ERV3-1: variants seen among roughly 807,000 people sequenced by gnomAD.
ERV3-1 encodes the protein endogenous retrovirus group 3 member 1, envelope.
A neutral mutation model predicts 24.6 loss-of-function variants in ERV3-1; 36 were observed. The observed-to-expected ratio is 1.47, with a 90% CI of 1.12 to 1.94. The LOEUF (loss-of-function observed/expected upper bound fraction) is 1.94, where lower values mean the gene tolerates loss of function less well. Ranked by LOEUF, ERV3-1 falls within the 30% of genes most tolerant of loss-of-function variation. The probability of loss-of-function intolerance (pLI) is 0.00; values close to 1 mark genes in which losing one functional copy is unlikely to be tolerated. For synonymous variants in ERV3-1, 211 were observed against 122.6 expected (o/e 1.72, Z -4.76); for missense variants, 578 against 330.9 (o/e 1.75, Z -5.79).
intron 1 of ERV3-1, among the ~76,000 whole-genome samples, chr7:65,001,836 G>A (rs1283276907): frequency 1.3e-5 from 2 of 152,172 alleles, no homozygotes; most frequent in Non-Finnish European, 2.9e-5. Context: ...CCACTTAAGA[G>A]TCAGCACAGA....
At chr7:64,996,334 C>A (rs1355759620) in intron 1 of ERV3-1, among the ~76,000 whole-genome samples, 1 of 152,156 alleles carries the variant, frequency 6.6e-6, no homozygotes, top group Non-Finnish European at 1.5e-5. Context: ...TACTGACAAA[C>A]CTGAACTGGA....
chr7:64,991,802 T>G lies in ERV3-1; in HGVS notation c.1225A>C (p.Asn409His), dbSNP rs776591423. Residue 409 changes from asparagine (N) to histidine (H), a missense_variant, in exon 2 of 2, where the codon AAT (asparagine) becomes CAT (histidine). Asn to His is a moderately conservative substitution (Grantham distance 68). Transcript: ENST00000394323. ...AGGCCAGAGGGTGCCTGCCAGGTAT[T>G]TGGAGCTTCAAGTTGGTACCAAGAA... ...NHSWYQLEAP[N>H]TWQAPSGLYW... 1.3e-6 allele frequency: 1 copy of G among 766,160 alleles called. No homozygotes were observed. The highest frequency in any genetic ancestry group is 2.4e-6 in the Non-Finnish European group (1 of 417,884). The allele number at this position is 766,160 out of a possible 1,614,324, so 47.5% of individuals were successfully genotyped here. A position where few individuals can be genotyped will look rare whatever the true frequency, so the allele number is the denominator to read the frequency against.
intron 1 of ERV3-1, chr7:65,006,081 CA>C (rs1786642572): frequency 5.8e-6 from 1 of 172,396 alleles, no homozygotes; most frequent in Non-Finnish European, 1.3e-5. Flanking sequence ...TGGTGCTCTA[CA>C]ATTCTTGAAT....
Position 64,991,175 on chromosome 7 carries a change from G to A in ERV3-1, c.*37C>T, listed in dbSNP as rs369992457. 4.5e-5 allele frequency: 31 copies of A among 687,692 alleles called. No individual in the cohort carries two copies. In the African/African-American group the frequency reaches 5.1e-4, roughly 11 times the overall value. 42.6% of individuals were successfully genotyped at this position (687,692 alleles called of 1,614,324 possible). A position where few individuals can be genotyped will look rare whatever the true frequency, so the allele number is the denominator to read the frequency against. ...TGTACTAAGGTTTTAAATCCTCCAA[G>A]GGATGAGAACCAACCTCTGAAAAGG... On this transcript the variant is annotated 3_prime_UTR_variant, in exon 2 of 2. Transcript: ENST00000394323.
chr7:64,997,361 C>T (rs1037913838), intron 1 of ERV3-1, among the ~76,000 whole-genome samples: 83 of 152,346 alleles, frequency 5.4e-4, no homozygotes, highest in African/African-American at 1.9e-3. Context: ...GCCTGTCCTA[C>T]AAACTCTGCG....
At chr7:65,005,347 A>G (rs545031406) in intron 1 of ERV3-1, among the ~76,000 whole-genome samples, 2 of 152,292 alleles carry the variant, frequency 1.3e-5, no homozygotes, top group South Asian at 4.1e-4. Flanking sequence ...CCTGACCCAA[A>G]AATATTCTGA....
At chr7:65,005,904 A>G (rs1786637301) in intron 1 of ERV3-1, among the ~76,000 whole-genome samples, 1 of 152,240 alleles carries the variant, frequency 6.6e-6, no homozygotes, top group Admixed American at 6.5e-5. Flanking sequence ...TAAACTGCCA[A>G]TTAACCTCTC....
chr7:64,992,629 A>C lies in ERV3-1; in HGVS notation c.398T>G (p.Phe133Cys), dbSNP rs369274186. The part of the protein sequence containing the change: ...VCQIVSMGSL[F>C]PVIFSSMEYY... ...CTCCATGGAACTGAAGATTACGGGA[A>C]AGAGTGAGCCCATGGATACTATCTG... The change falls in exon 2 of 2, where the codon TTT becomes TGT. Residue 133 changes from phenylalanine (F) to cysteine (C), a missense_variant. Transcript: ENST00000394323. 6.5e-6 allele frequency: 5 copies of C among 766,284 alleles called. No homozygotes were observed. Among genetic ancestry groups the C allele is most frequent in the Non-Finnish European group, 1.2e-5 (5 of 417,912 alleles). 47.5% of individuals were successfully genotyped at this position (766,284 alleles called of 1,614,324 possible).
Position 65,001,949 on chromosome 7 carries a change from G to A in ERV3-1, c.-389+4592C>T, listed in dbSNP as rs996211216. Among the ~76,000 whole-genome samples, 9 of 152,070 alleles carry A rather than the reference G, an allele frequency of 5.9e-5. No individual in the cohort carries two copies. The East Asian group carries it at 9.6e-4, about 16-fold the overall frequency. The stretch of plus-strand genomic sequence containing the variant: ...TTTTGAGCTACTGTTTAAAAATTCA[G>A]GACTCCCATAAATCTCTCAAGTTCA... On this transcript the variant is annotated intron_variant, in intron 1 of 1. Coordinates refer to ENST00000394323, the MANE Select transcript of ERV3-1 (RefSeq NM_001007253.4).
At chr7:65,002,618 G>A (rs931760172) in intron 1 of ERV3-1, among the ~76,000 whole-genome samples, 1 of 152,196 alleles carries the variant, frequency 6.6e-6, no homozygotes, top group Non-Finnish European at 1.5e-5. Context: ...ATGAGCCATT[G>A]TGCCCAGCCT....
Position 65,002,432 on chromosome 7 carries a change from T to A in ERV3-1, c.-389+4109A>T, listed in dbSNP as rs532676404. On this transcript the variant is annotated intron_variant, in intron 1 of 1. Transcript: ENST00000394323. Reference sequence around the variant, plus strand: ...TCTGCCTCCAAGGTTCAAGCAATTCTCCTGCCTCAACCTCCAGAGTAGGTG... The same window carrying A: ...TCTGCCTCCAAGGTTCAAGCAATTCACCTGCCTCAACCTCCAGAGTAGGTG... 2.0e-4 allele frequency among the ~76,000 whole-genome samples: 30 copies of A among 152,336 alleles called. 1 individual carries two copies. Among genetic ancestry groups the A allele is most frequent in the African/African-American group, 6.7e-4 (28 of 41,582 alleles).
chr7:64,995,996 T>C (rs1320837415), intron 1 of ERV3-1, among the ~76,000 whole-genome samples: 1 of 152,184 alleles, frequency 6.6e-6, no homozygotes, highest in Non-Finnish European at 1.5e-5. Context: ...CCCATTAAAA[T>C]GCAAAGATGG....
intron 1 of ERV3-1, among the ~76,000 whole-genome samples, chr7:65,003,095 T>A (rs1786558961): frequency 1.3e-5 from 2 of 152,208 alleles, no homozygotes; most frequent in Admixed American, 6.5e-5. Flanking sequence ...CAGGGCTCTG[T>A]CACTTTTTTC....
At chr7:64,996,887 G>A (rs1461967476) in intron 1 of ERV3-1, among the ~76,000 whole-genome samples, 4 of 152,236 alleles carry the variant, frequency 2.6e-5, no homozygotes, top group Admixed American at 6.5e-5. Flanking sequence ...GGGGGCTAAA[G>A]AGAAGGAGCC....
intron 1 of ERV3-1, among the ~76,000 whole-genome samples, chr7:65,001,548 CA>C (rs1407612238): frequency 6.6e-6 from 1 of 152,142 alleles, no homozygotes; most frequent in Admixed American, 6.6e-5. Flanking sequence ...CCTGAGGTGG[CA>C]GTGGTGGGAA....
rs1786658255 is a variant in ERV3-1, at chr7:65,006,641, A to G, written c.-489T>C. 2.0e-6 allele frequency: 3 copies of G among 1,534,416 alleles called. No individual in the cohort carries two copies. The highest frequency in any genetic ancestry group is 1.7e-5 in the Admixed American group (1 of 59,598). On this transcript the variant is annotated 5_prime_UTR_variant, in exon 1 of 2. Transcript: ENST00000394323. Reference sequence around the variant, plus strand: ...AGCTGGGCCTCTAGGAGCAGAAGACACAGAGCAGTGAAGACTACACCAGAA... The same window carrying G: ...AGCTGGGCCTCTAGGAGCAGAAGACGCAGAGCAGTGAAGACTACACCAGAA...
chr7:65,006,469 G>A (rs1786653600), intron 1 of ERV3-1, 72 bp downstream of exon 1: 1 of 1,551,126 alleles, frequency 6.4e-7, no homozygotes, highest in East Asian at 2.3e-5. Context: ...CCAGAGTCCC[G>A]CCACAGCCAC....
intron 1 of ERV3-1, among the ~76,000 whole-genome samples, chr7:65,001,933 A>G (rs1005951335): frequency 6.6e-6 from 1 of 152,184 alleles, no homozygotes; most frequent in Admixed American, 6.5e-5. Context: ...CTTTTGAGCT[A>G]CTGTTTAAAA....
At chr7:65,005,928 G>A (rs1319541711) in intron 1 of ERV3-1, among the ~76,000 whole-genome samples, 2 of 152,042 alleles carry the variant, frequency 1.3e-5, no homozygotes, top group African/African-American at 2.4e-5. Flanking sequence ...ACATGACCAG[G>A]GAATTTCCAC....
Sources: gnomAD v4.1 joint callset for allele counts (sites outside exome capture counted in the v4.1 genomes callset) on GRCh38, gnomAD v4.1.1 for gene constraint, MANE v1.5 for transcripts, NCBI Gene and HGNC (gene_info 2026-07-23, HGNC 2026-07-21) for gene names.